ZNF804A: variants seen among roughly 807,000 people sequenced by gnomAD.
The protein encoded by ZNF804A is zinc finger protein 804A.
A neutral mutation model predicts 16.5 loss-of-function variants in ZNF804A; 2 were observed. The ratio of observed to expected loss-of-function variants is 0.12; its 90% CI spans 0.05 to 0.38. The LOEUF (loss-of-function observed/expected upper bound fraction) is 0.38, where lower values mean the gene tolerates loss of function less well. ZNF804A is among the 10% of genes least tolerant of loss of function. The probability of loss-of-function intolerance (pLI) is 0.99; values close to 1 mark genes in which losing one functional copy is unlikely to be tolerated. For synonymous variants in ZNF804A, 534 were observed against 489.6 expected, an observed-to-expected ratio of 1.09 and a Z score of -1.20; for missense variants, 1,473 against 1,390.7, an observed-to-expected ratio of 1.06 and a Z score of -0.94.
At chr2:184,911,162 G>C (rs1685350543) in intron 2 of ZNF804A, among the ~76,000 whole-genome samples, 2 of 151,898 alleles carry the variant, frequency 1.3e-5, no homozygotes, top group African/African-American at 2.4e-5. Flanking sequence ...TGAGAGTTAG[G>C]GGTCCAGATT....
chr2:184,612,218 C>A (rs937488267), intron 1 of ZNF804A, among the ~76,000 whole-genome samples: 2 of 151,902 alleles, frequency 1.3e-5, no homozygotes, highest in Admixed American at 6.6e-5. Flanking sequence ...TTCTTATTTT[C>A]ATGATTGCCA....
intron 1 of ZNF804A, among the ~76,000 whole-genome samples, chr2:184,811,102 T>C (rs1694892278): frequency 6.6e-6 from 1 of 152,184 alleles, no homozygotes; most frequent in Non-Finnish European, 1.5e-5. Context: ...AGTAAAAATC[T>C]GCTTGCACAT....
chr2:184,801,946 G>A (rs1694733555), intron 1 of ZNF804A, among the ~76,000 whole-genome samples: 2 of 152,136 alleles, frequency 1.3e-5, no homozygotes, highest in Admixed American at 1.3e-4. Context: ...CTAGGAGTTG[G>A]ACTGTGTTTA....
intron 1 of ZNF804A, among the ~76,000 whole-genome samples, chr2:184,653,697 G>T (rs568556482): frequency 6.6e-6 from 1 of 152,178 alleles, no homozygotes; most frequent in Non-Finnish European, 1.5e-5. Flanking sequence ...GAGCACTTGG[G>T]AGGTGAGCAT....
At chr2:184,850,533 TC>T (rs1244009038) in intron 1 of ZNF804A, among the ~76,000 whole-genome samples, 1 of 151,722 alleles carries the variant, frequency 6.6e-6, no homozygotes, top group Non-Finnish European at 1.5e-5. Flanking sequence ...TTCCCCTCTC[TC>T]CCTTGATGAA....
intron 1 of ZNF804A, among the ~76,000 whole-genome samples, chr2:184,624,131 A>C (rs1478046550): frequency 6.6e-6 from 1 of 152,140 alleles, no homozygotes; most frequent in Admixed American, 6.6e-5. Flanking sequence ...TTACCAGTAG[A>C]TTAAAGGAGT....
intron 2 of ZNF804A, among the ~76,000 whole-genome samples, chr2:184,884,777 A>G (rs1684860057): frequency 6.6e-6 from 1 of 152,232 alleles, no homozygotes; most frequent in Non-Finnish European, 1.5e-5. Context: ...ATAATTCTGT[A>G]CATAGGCCCT....
intron 1 of ZNF804A, among the ~76,000 whole-genome samples, chr2:184,631,911 A>G (rs17430635): frequency 0.11 from 16,645 of 152,196 alleles, 1,180 homozygotes; most frequent in Non-Finnish European, 0.16. Flanking sequence ...GTGAATATGA[A>G]GTTGGGGATC....
chr2:184,775,379 G>C (rs1296509042), intron 1 of ZNF804A, among the ~76,000 whole-genome samples: 1 of 151,686 alleles, frequency 6.6e-6, no homozygotes, highest in Non-Finnish European at 1.5e-5. Context: ...CTGCATGCCA[G>C]TGTAGTAATA....
intron 1 of ZNF804A, among the ~76,000 whole-genome samples, chr2:184,629,637 G>C (rs920542430): frequency 1.3e-5 from 2 of 152,080 alleles, no homozygotes; most frequent in African/African-American, 4.8e-5. Context: ...GCCTTTTGAG[G>C]TTGATCATTA....
chr2:184,752,873 A>C (rs1693897284), intron 1 of ZNF804A, among the ~76,000 whole-genome samples: 1 of 151,814 alleles, frequency 6.6e-6, no homozygotes, highest in Non-Finnish European at 1.5e-5. Flanking sequence ...GGTGCTCCAC[A>C]CTGCTAATCA....
intron 1 of ZNF804A, among the ~76,000 whole-genome samples, chr2:184,742,640 G>T (rs1398234804): frequency 2.0e-5 from 3 of 148,280 alleles, no homozygotes; most frequent in African/African-American, 7.7e-5. Context: ...GTGCTTTGTA[G>T]CCACTTGGTT....
intron 1 of ZNF804A, among the ~76,000 whole-genome samples, chr2:184,690,514 A>T (rs1251437785): frequency 6.6e-6 from 1 of 152,112 alleles, no homozygotes; most frequent in Non-Finnish European, 1.5e-5. Flanking sequence ...GTTTGCTAAA[A>T]TTCTGTAACC....
At chr2:184,738,034 G>GAAAATCACTT (rs1693657271) in intron 1 of ZNF804A, among the ~76,000 whole-genome samples, 1 of 145,694 alleles carries the variant, frequency 6.9e-6, no homozygotes, top group African/African-American at 2.6e-5. Context: ...GTTGAGGCAA[G>GAAAATCACTT]AGAATCACTT....
At chr2:184,649,391 C>T (rs989276148) in intron 1 of ZNF804A, among the ~76,000 whole-genome samples, 1 of 151,904 alleles carries the variant, frequency 6.6e-6, no homozygotes, top group Non-Finnish European at 1.5e-5. Context: ...CAAGGAGAAA[C>T]TAACCCCAAA....
At chr2:184,613,037 A>G (rs1204719552) in intron 1 of ZNF804A, among the ~76,000 whole-genome samples, 6 of 152,238 alleles carry the variant, frequency 3.9e-5, no homozygotes, top group Non-Finnish European at 8.8e-5. Flanking sequence ...CTCACATATG[A>G]TGTTGTATGA....
At chr2:184,717,210 C>G (rs1693229173) in intron 1 of ZNF804A, among the ~76,000 whole-genome samples, 1 of 152,158 alleles carries the variant, frequency 6.6e-6, no homozygotes, top group African/African-American at 2.4e-5. Context: ...ACGTCTCTCT[C>G]TCATGATCCT....
intron 1 of ZNF804A, among the ~76,000 whole-genome samples, chr2:184,835,676 A>AAAC (rs143296995): frequency 0.06 from 9,117 of 150,924 alleles, 964 homozygotes; most frequent in African/African-American, 0.21. Context: ...AAAAAAAAAA[A>AAAC]CAGAAAAAAG....
At chr2:184,886,045 G>C (rs1029556031) in intron 2 of ZNF804A, among the ~76,000 whole-genome samples, 1 of 152,092 alleles carries the variant, frequency 6.6e-6, no homozygotes, top group Admixed American at 6.6e-5. Flanking sequence ...TCTCAACTGA[G>C]ACAAGGCAAA....
Sources: allele counts gnomAD v4.1 joint callset (sites outside exome capture counted in the v4.1 genomes callset), GRCh38; gene constraint gnomAD v4.1.1; transcripts MANE v1.5; gene names NCBI Gene and HGNC (gene_info 2026-07-23, HGNC 2026-07-21).